RFTN2: variants seen among roughly 807,000 people sequenced by gnomAD.
RFTN2 encodes the protein raftlin-2.
RFTN2 carries 34 observed loss-of-function variants against 52.7 expected under a neutral mutation model. That is an observed-to-expected ratio of 0.64 (90% confidence interval 0.49 to 0.86). RFTN2 has a LOEUF of 0.86. RFTN2 is among the 40% of genes least tolerant of loss of function. The pLI, the probability that RFTN2 is intolerant of heterozygous loss-of-function variation, is 0.00. For synonymous variants in RFTN2, 203 were observed against 217.7 expected (o/e 0.93, Z 0.59); for missense variants, 536 against 600.1 (o/e 0.89, Z 1.12).
chr2:197,644,476 G>A (rs181102478), intron 2 of RFTN2, among the ~76,000 whole-genome samples: 40 of 152,196 alleles, frequency 2.6e-4, no homozygotes, highest in Admixed American at 2.4e-3. Flanking sequence ...AATTTAAACT[G>A]CTATTAATTT....
chr2:197,605,417 G>T (rs976330957), intron 7 of RFTN2, among the ~76,000 whole-genome samples: 1 of 151,918 alleles, frequency 6.6e-6, no homozygotes, highest in Non-Finnish European at 1.5e-5. Flanking sequence ...GGGTTTCACT[G>T]TGTTAGCCAG....
At position 197,675,497 on chromosome 2, in the gene RFTN2, G is replaced by A. The variant is rs1271283803; in HGVS notation, c.-39C>T. On this transcript the variant is annotated 5_prime_UTR_variant, in exon 1 of 9. Transcript: ENST00000295049. ...AGGAATTAAATTGCAGGAAAGGGGA[G>A]GGAGAGCAGCAAATTCTGTTGTTTA... is the stretch of plus-strand genomic sequence containing the variant. The A allele has an allele frequency of 2.8e-6, 4 of 1,408,538 alleles. No homozygotes were observed. The highest frequency in any genetic ancestry group is 2.8e-6 in the Non-Finnish European group (3 of 1,069,408). The allele number at this position is 1,408,538 out of a possible 1,614,324, so 87.3% of individuals were successfully genotyped here. A position where few individuals can be genotyped will look rare whatever the true frequency, so the allele number is the denominator to read the frequency against.
At chr2:197,582,289 T>C (rs1258650497) in intron 8 of RFTN2, among the ~76,000 whole-genome samples, 1 of 152,270 alleles carries the variant, frequency 6.6e-6, no homozygotes, top group African/African-American at 2.4e-5. Flanking sequence ...ACTCACTCTT[T>C]GTTGAGTCTC....
intron 7 of RFTN2, among the ~76,000 whole-genome samples, chr2:197,614,381 G>A (rs964272546): frequency 8.5e-5 from 13 of 152,068 alleles, no homozygotes; most frequent in African/African-American, 3.1e-4. Flanking sequence ...GTCAAACTCC[G>A]GAAGATGATC....
chr2:197,572,537 T>G (rs541537392), intron 8 of RFTN2, among the ~76,000 whole-genome samples: 2 of 152,238 alleles, frequency 1.3e-5, no homozygotes, highest in South Asian at 4.1e-4. Flanking sequence ...GGGTATGTTA[T>G]GTACACATCT....
chr2:197,591,114 A>C (rs970358028), intron 8 of RFTN2, among the ~76,000 whole-genome samples: 2 of 152,294 alleles, frequency 1.3e-5, no homozygotes, highest in Non-Finnish European at 2.9e-5. Context: ...ACAATCCCTG[A>C]GCTAGACACA....
At chr2:197,671,223 C>T (rs2089143230) in intron 1 of RFTN2, among the ~76,000 whole-genome samples, 1 of 152,198 alleles carries the variant, frequency 6.6e-6, no homozygotes, top group Non-Finnish European at 1.5e-5. Context: ...CTTCCTGCTT[C>T]CTCCCTAGAA....
At chr2:197,668,334 G>A (rs1004464254) in intron 1 of RFTN2, among the ~76,000 whole-genome samples, 1 of 152,158 alleles carries the variant, frequency 6.6e-6, no homozygotes, top group Non-Finnish European at 1.5e-5. Context: ...GGAGTGGGAT[G>A]TTCCCCAGGC....
At chr2:197,662,854 C>G (rs1358516573) in intron 1 of RFTN2, among the ~76,000 whole-genome samples, 1 of 152,048 alleles carries the variant, frequency 6.6e-6, no homozygotes, top group African/African-American at 2.4e-5. Flanking sequence ...GTCTCAAACT[C>G]CTTGAGTCAA....
At chr2:197,655,987 T>G (rs558945684) in intron 1 of RFTN2, among the ~76,000 whole-genome samples, 1 of 152,164 alleles carries the variant, frequency 6.6e-6, no homozygotes, top group African/African-American at 2.4e-5. Context: ...AAAATACTTA[T>G]TAAAAGACCC....
intron 1 of RFTN2, among the ~76,000 whole-genome samples, chr2:197,672,697 T>C (rs893068542): frequency 6.6e-6 from 1 of 152,194 alleles, no homozygotes; most frequent in Non-Finnish European, 1.5e-5. Flanking sequence ...GAAACTGAGA[T>C]AGAGCAACAT....
intron 5 of RFTN2, among the ~76,000 whole-genome samples, chr2:197,620,427 C>G (rs769164047): frequency 1.9e-4 from 29 of 152,140 alleles, no homozygotes; most frequent in Non-Finnish European, 3.1e-4. Flanking sequence ...TTTTGTGTAG[C>G]ACAATGTCAC....
intron 7 of RFTN2, among the ~76,000 whole-genome samples, chr2:197,600,078 T>G (rs1249353676): frequency 6.6e-6 from 1 of 152,032 alleles, no homozygotes. Flanking sequence ...AGGCTGGTCT[T>G]GAACTCCTGA....
intron 8 of RFTN2, among the ~76,000 whole-genome samples, chr2:197,583,899 T>C (rs2087551933): frequency 6.6e-6 from 1 of 152,108 alleles, no homozygotes; most frequent in Admixed American, 6.6e-5. Flanking sequence ...GTCCCTGCGA[T>C]AGTTTACTGA....
At chr2:197,577,217 C>T (rs1019130054) in intron 8 of RFTN2, among the ~76,000 whole-genome samples, 44 of 152,348 alleles carry the variant, frequency 2.9e-4, no homozygotes, top group African/African-American at 9.6e-4. Flanking sequence ...TCAGGACTTC[C>T]TGAGGCTGTG....
At chr2:197,580,459 A>G (rs2087487624) in intron 8 of RFTN2, among the ~76,000 whole-genome samples, 2 of 152,172 alleles carry the variant, frequency 1.3e-5, no homozygotes, top group African/African-American at 4.8e-5. Context: ...GCCATATCCC[A>G]TCTGTGCAGG....
chr2:197,637,904 C>G (rs539110277), intron 3 of RFTN2, among the ~76,000 whole-genome samples: 2 of 151,872 alleles, frequency 1.3e-5, no homozygotes, highest in East Asian at 3.9e-4. Context: ...CTACACACTG[C>G]TTTGAATGCA....
intron 3 of RFTN2, among the ~76,000 whole-genome samples, chr2:197,634,296 T>C (rs1175181886): frequency 6.6e-6 from 1 of 152,164 alleles, no homozygotes; most frequent in African/African-American, 2.4e-5. Flanking sequence ...TGTAGCATGA[T>C]TTTTGCAGAC....
Position 197,617,696 on chromosome 2 carries a change from A to AAAAC in RFTN2, c.1050+100_1050+103dup, listed in dbSNP as rs568649313. On this transcript the variant is annotated intron_variant, in intron 6 of 8. Transcript: ENST00000295049. Reference sequence around the variant, plus strand: ...GCCCTGACTCAAAAAAACAAAAACAAAAACAAACAAACAAACAAATGAAAA... The same window carrying AAAAC: ...GCCCTGACTCAAAAAAACAAAAACAAAAACAAACAAACAAACAAACAAATGAAAA... 9 of 437,896 alleles carry AAAAC rather than the reference A, an allele frequency of 2.1e-5. No individual in the cohort carries two copies. The East Asian group carries it at 2.9e-4, about 14-fold the overall frequency. The allele number at this position is 437,896 out of a possible 1,614,324, so 27.1% of individuals were successfully genotyped here. A position where few individuals can be genotyped will look rare whatever the true frequency, so the allele number is the denominator to read the frequency against.
Sources: gnomAD v4.1 joint callset for allele counts (sites outside exome capture counted in the v4.1 genomes callset) on GRCh38, gnomAD v4.1.1 for gene constraint, MANE v1.5 for transcripts, NCBI Gene and HGNC (gene_info 2026-07-23, HGNC 2026-07-21) for gene names.